ABCD2: variants seen among roughly 807,000 people sequenced by gnomAD.
ABCD2 encodes ATP-binding cassette sub-family D member 2.
In ABCD2, 36 loss-of-function variants were observed where a neutral mutation model predicts 70.9. The observed-to-expected ratio is 0.51, with a 90% CI of 0.39 to 0.67. The LOEUF is 0.67. Among genes scored for constraint, ABCD2 ranks in the 30% least tolerant of loss-of-function variants. The pLI is 0.00. For missense variants in ABCD2, 729 were observed against 890.2 expected, an observed-to-expected ratio of 0.82 and a Z score of 2.30; for synonymous variants, 304 against 306.9, an observed-to-expected ratio of 0.99 and a Z score of 0.10.
At chr12:39,613,115 G>T in intron 2 of ABCD2, among the ~76,000 whole-genome samples, 1 of 87,714 alleles carries the variant, frequency 1.1e-5, no homozygotes, top group East Asian at 2.9e-4. Context: ...GGCCGGGCGC[G>T]GTGGCTCACG....
chr12:39,572,995 T>C (rs1030319895), intron 9 of ABCD2, among the ~76,000 whole-genome samples: 1 of 152,090 alleles, frequency 6.6e-6, no homozygotes, highest in Non-Finnish European at 1.5e-5. Flanking sequence ...TAGTACAGAG[T>C]ATGTGATCAT....
At chr12:39,611,651 T>C (rs796849733) in intron 2 of ABCD2, among the ~76,000 whole-genome samples, 6 of 152,254 alleles carry the variant, frequency 3.9e-5, no homozygotes, top group African/African-American at 1.4e-4. Flanking sequence ...TAGGCAGATA[T>C]TTCTTAAATA....
At chr12:39,578,439 A>G (rs1042608080) in intron 8 of ABCD2, among the ~76,000 whole-genome samples, 1 of 144,704 alleles carries the variant, frequency 6.9e-6, no homozygotes, top group Non-Finnish European at 1.5e-5. Context: ...GTGCCACTGC[A>G]CTCCAGCCTG....
In ABCD2 at chr12:39,617,082, C is replaced by T; in HGVS notation, c.1026G>A (p.Met342Ile). 3.1e-6 allele frequency: 5 copies of T among 1,613,208 alleles called. No individual in the cohort carries two copies. The South Asian group carries it at 5.5e-5, about 18-fold the overall frequency. ...CATACTTCATCAGGAACTGTTCTATCATGATGTACCACAAACGTTTGGATA... is the reference window on the plus strand; with the variant it reads ...CATACTTCATCAGGAACTGTTCTATTATGATGTACCACAAACGTTTGGATA... ...LILSKRLWYI[M>I]IEQFLMKYVW... Residue 342 changes from methionine to isoleucine, a missense_variant, in exon 2 of 10, where the codon ATG becomes ATA. This residue lies in a region of ABCD2 where 195 missense variants were observed against 300.2 expected (regional missense o/e 0.65). Transcript: ENST00000308666.
intron 9 of ABCD2, among the ~76,000 whole-genome samples, chr12:39,563,457 C>A: frequency 6.6e-6 from 1 of 152,110 alleles, no homozygotes. Context: ...AGAATAAGAA[C>A]GCTCACTTTT....
At chr12:39,578,731 A>G (rs538761068) in intron 8 of ABCD2, among the ~76,000 whole-genome samples, 1 of 151,820 alleles carries the variant, frequency 6.6e-6, no homozygotes, top group African/African-American at 2.4e-5. Flanking sequence ...TTCTCAATCC[A>G]TTGAAACCTA....
intron 2 of ABCD2, among the ~76,000 whole-genome samples, chr12:39,611,320 G>A (rs1372588696): frequency 1.3e-5 from 2 of 152,094 alleles, no homozygotes; most frequent in African/African-American, 4.8e-5. Flanking sequence ...GGGAAACTAT[G>A]GGGGGAGAGG....
At chr12:39,615,712 A>G (rs1316970282) in intron 2 of ABCD2, among the ~76,000 whole-genome samples, 1 of 152,110 alleles carries the variant, frequency 6.6e-6, no homozygotes, top group Non-Finnish European at 1.5e-5. Flanking sequence ...CAACTTTGAC[A>G]AGTGTTTTTG....
Position 39,607,847 on chromosome 12 carries a change from T to C in ABCD2, c.1121-133A>G, listed in dbSNP as rs930265504. On this transcript the variant is annotated intron_variant, in intron 2 of 9. Coordinates refer to ENST00000308666, the MANE Select transcript of ABCD2 (RefSeq NM_005164.4). ...TAATTTTTCATTAGTAGTAGCAATT[T>C]TCTAGAAATATAATGAATCATTGAA... 2.4e-5 allele frequency: 16 copies of C among 664,068 alleles called. No homozygotes were observed. The African/African-American group carries it at 2.6e-4, about 11-fold the overall frequency. The allele number at this position is 664,068 out of a possible 1,614,324, so 41.1% of individuals were successfully genotyped here. A position where few individuals can be genotyped will look rare whatever the true frequency, so the allele number is the denominator to read the frequency against.
At position 39,608,165 on chromosome 12, in the gene ABCD2, C is replaced by T. The variant is rs547309511; in HGVS notation, c.1121-451G>A. Among the ~76,000 whole-genome samples, 18 of 150,816 alleles carry T rather than the reference C, an allele frequency of 1.2e-4. No homozygotes were observed. In the South Asian group the frequency reaches 3.8e-3, roughly 32 times the overall value. The stretch of plus-strand genomic sequence containing the variant: ...CCTGGGCCACAGAGTGAGACCTCTT[C>T]TCAAAAGAAGAAAGGAAAGGAAAAA... On this transcript the variant is annotated intron_variant, in intron 2 of 9. Transcript: ENST00000308666.
downstream of ABCD2, among the ~76,000 whole-genome samples, chr12:39,548,449 A>C (rs1378155555): frequency 6.6e-6 from 1 of 152,054 alleles, no homozygotes; most frequent in African/African-American, 2.4e-5. Context: ...CTTGTCTCAT[A>C]TAAACAATGA....
At position 39,573,623 on chromosome 12, in the gene ABCD2, C is replaced by T; in HGVS notation, c.2003+93G>A. The T allele has an allele frequency of 4.3e-6, 6 of 1,399,896 alleles. No homozygotes were observed. In the South Asian group the frequency reaches 7.5e-5, roughly 17 times the overall value. 86.7% of individuals were successfully genotyped at this position (1,399,896 alleles called of 1,614,324 possible). A position where few individuals can be genotyped will look rare whatever the true frequency, so the allele number is the denominator to read the frequency against. On this transcript the variant is annotated intron_variant, in intron 9 of 9. Coordinates refer to ENST00000308666, the MANE Select transcript of ABCD2 (RefSeq NM_005164.4). Reference sequence around the variant, plus strand: ...ATATGGGTAGAAAATAAGTGAAATACCCTACCCTCTACTGTGAAAAATTTA... The same window carrying T: ...ATATGGGTAGAAAATAAGTGAAATATCCTACCCTCTACTGTGAAAAATTTA...
chr12:39,573,285 C>G (rs1043527533), intron 9 of ABCD2, among the ~76,000 whole-genome samples: 2 of 152,076 alleles, frequency 1.3e-5, no homozygotes, highest in Non-Finnish European at 2.9e-5. Flanking sequence ...AGCCCTCCCC[C>G]CTTCCCCACC....
At chr12:39,602,253 A>C (rs1046973077) in intron 5 of ABCD2, among the ~76,000 whole-genome samples, 1 of 151,558 alleles carries the variant, frequency 6.6e-6, no homozygotes, top group Admixed American at 6.6e-5. Context: ...CCTGGGTTCA[A>C]GCGATTCTTG....
At chr12:39,593,820 AG>A (rs1205767579) in intron 6 of ABCD2, among the ~76,000 whole-genome samples, 5 of 152,224 alleles carry the variant, frequency 3.3e-5, no homozygotes, top group African/African-American at 1.2e-4. Context: ...TTTAAAATTA[AG>A]GGACTATTTT....
rs1378865128 is a variant in ABCD2 at position 39,553,822 on chromosome 12, CT to C, written c.*89del. 1.5e-5 allele frequency: 14 copies of C among 960,520 alleles called. No individual in the cohort carries two copies. Among genetic ancestry groups the C allele is most frequent in the Non-Finnish European group, 2.1e-5 (14 of 664,520 alleles). The allele number at this position is 960,520 out of a possible 1,614,324, so 59.5% of individuals were successfully genotyped here. A position where few individuals can be genotyped will look rare whatever the true frequency, so the allele number is the denominator to read the frequency against. On this transcript the variant is annotated 3_prime_UTR_variant, in exon 10 of 10. Coordinates refer to ENST00000308666, the MANE Select transcript of ABCD2 (RefSeq NM_005164.4). ...AACATGTCTTGCTGCCTTTTTTTCT[CT>C]GTGCTTAGCTTAACATACTTCATGC... is the stretch of plus-strand genomic sequence containing the variant.
rs201411952 is a variant in ABCD2 at position 39,618,984 on chromosome 12, G to A, written c.632C>T (p.Thr211Met). The A allele has an allele frequency of 4.3e-6, 7 of 1,614,048 alleles. No homozygotes were observed. Among genetic ancestry groups the A allele is most frequent in the Admixed American group, 1.7e-5 (1 of 60,010 alleles). Reference protein sequence around the residue: ...GRLANPDQSLTEDIMMFSQSV... With the variant: ...GRLANPDQSLMEDIMMFSQSV... ...TTGGGAGAACATCATAATATCCTCC[G>A]TAAGAGATTGGTCAGGGTTTGCCAG... The change falls in exon 1 of 10, where the codon ACG becomes ATG. Residue 211 changes from threonine (T) to methionine (M), a missense_variant. By Grantham distance (81) the Thr-to-Met change is moderately conservative (BLOSUM62 -1). This residue lies in a region of ABCD2 where 245 missense variants were observed against 261.2 expected (regional missense o/e 0.94). Transcript: ENST00000308666.
intron 6 of ABCD2, among the ~76,000 whole-genome samples, chr12:39,590,764 T>G (rs1455768959): frequency 6.6e-6 from 1 of 152,112 alleles, no homozygotes; most frequent in Non-Finnish European, 1.5e-5. Context: ...TGATTTTTTT[T>G]TTTTGGTAAA....
intron 9 of ABCD2, among the ~76,000 whole-genome samples, chr12:39,556,680 T>C (rs114788902): frequency 0.017 from 2,578 of 152,198 alleles, 60 homozygotes; most frequent in African/African-American, 0.057. Flanking sequence ...TACTGGTAGA[T>C]GGGGTGCTGC....
Sources: gnomAD v4.1 joint callset for allele counts (sites outside exome capture counted in the v4.1 genomes callset) on GRCh38, gnomAD v4.1.1 for gene constraint, gnomAD v4.1.1 regional missense constraint, MANE v1.5 for transcripts, NCBI Gene and HGNC (gene_info 2026-07-23, HGNC 2026-07-21) for gene names.